The following GRIP1 variants were observed in gnomAD, a reference collection of about 807,000 sequenced individuals.
GRIP1 encodes glutamate receptor-interacting protein 1.
GRIP1 carries 45 observed loss-of-function variants against 129.9 expected under a neutral mutation model. The observed-to-expected ratio is 0.35, with a 90% CI of 0.27 to 0.44. The LOEUF is 0.44. GRIP1 is among the 20% of genes least tolerant of loss of function. The pLI is 1.00. For missense variants in GRIP1, 1,196 were observed against 1,396.8 expected (o/e 0.86, Z 2.29); for synonymous variants, 530 against 520.8 (o/e 1.02, Z -0.24).
chr12:66,659,942 A>ACACAAAATAAACAAAGGGTTGT (rs1422737083), intron 1 of GRIP1, among the ~76,000 whole-genome samples: 1 of 152,232 alleles, frequency 6.6e-6, no homozygotes, highest in Non-Finnish European at 1.5e-5. Context: ...CAGGTTCAAC[A>ACACAAAATAAACAAAGGGTTGT]CACAAAATAA....
chr12:66,902,098 A>T (rs990862978), intron 1 of GRIP1, among the ~76,000 whole-genome samples: 2 of 152,126 alleles, frequency 1.3e-5, no homozygotes, highest in Admixed American at 1.3e-4. Flanking sequence ...TCACATGCAA[A>T]ACTGGGGAAC....
intron 4 of GRIP1, among the ~76,000 whole-genome samples, chr12:66,538,218 T>TTA (rs531046044): frequency 0.017 from 2,504 of 144,534 alleles, 71 homozygotes; most frequent in African/African-American, 0.061. Context: ...TTTTTTTTTT[T>TTA]AAACAGGGTT....
chr12:66,464,669 T>C (rs1197907300), intron 8 of GRIP1, among the ~76,000 whole-genome samples: 2 of 152,234 alleles, frequency 1.3e-5, no homozygotes, highest in East Asian at 3.9e-4. Flanking sequence ...GCTTAGTTGC[T>C]TGATTTTTTT....
chr12:66,505,213 A>C (rs1487260067), intron 7 of GRIP1, among the ~76,000 whole-genome samples: 1 of 152,218 alleles, frequency 6.6e-6, no homozygotes, highest in East Asian at 1.9e-4. Flanking sequence ...TATGAGAAGA[A>C]GGCAGAGGAG....
At chr12:66,866,052 A>G (rs1347991563) in intron 1 of GRIP1, among the ~76,000 whole-genome samples, 2 of 152,166 alleles carry the variant, frequency 1.3e-5, no homozygotes, top group Non-Finnish European at 2.9e-5. Flanking sequence ...CACCCAACCC[A>G]TGGCTGCGAC....
intron 2 of GRIP1, among the ~76,000 whole-genome samples, chr12:66,569,873 A>G (rs1239553294): frequency 1.3e-5 from 2 of 152,134 alleles, no homozygotes; most frequent in Admixed American, 1.3e-4. Flanking sequence ...ACAACAGTAC[A>G]TATTCCCTCC....
At chr12:66,453,682 T>A (rs919425301) in intron 11 of GRIP1, among the ~76,000 whole-genome samples, 9 of 152,346 alleles carry the variant, frequency 5.9e-5, no homozygotes, top group South Asian at 2.1e-4. Context: ...AATTACCCAA[T>A]GAAGTAATTC....
intron 1 of GRIP1, among the ~76,000 whole-genome samples, chr12:66,750,235 A>G (rs1443943181): frequency 6.6e-6 from 1 of 152,170 alleles, no homozygotes; most frequent in Non-Finnish European, 1.5e-5. Flanking sequence ...ATGAGTTTAA[A>G]AAACAGGCTT....
At chr12:66,952,651 A>G (rs980260339) in intron 1 of GRIP1, among the ~76,000 whole-genome samples, 2 of 152,176 alleles carry the variant, frequency 1.3e-5, no homozygotes, top group Non-Finnish European at 2.9e-5. Flanking sequence ...GGCAGAAAAC[A>G]CTTACTTTTT....
At chr12:66,498,871 A>G (rs989877661) in intron 7 of GRIP1, among the ~76,000 whole-genome samples, 2 of 152,220 alleles carry the variant, frequency 1.3e-5, no homozygotes, top group Non-Finnish European at 2.9e-5. Context: ...TAGTCTTTGT[A>G]CTACAAGGAG....
At chr12:66,947,743 T>C (rs1236595884) in intron 1 of GRIP1, among the ~76,000 whole-genome samples, 2 of 152,248 alleles carry the variant, frequency 1.3e-5, no homozygotes, top group African/African-American at 4.8e-5. Context: ...ATCTTTTCAA[T>C]AGTAAAACTT....
intron 1 of GRIP1, among the ~76,000 whole-genome samples, chr12:66,892,928 T>C (rs1247491199): frequency 6.6e-6 from 1 of 152,120 alleles, no homozygotes; most frequent in African/African-American, 2.4e-5. Flanking sequence ...ATAGCACCAA[T>C]GCAGTCCAGC....
At chr12:66,631,477 A>T (rs1308481653) in intron 1 of GRIP1, among the ~76,000 whole-genome samples, 1 of 152,238 alleles carries the variant, frequency 6.6e-6, no homozygotes, top group African/African-American at 2.4e-5. Context: ...ACCTACTAAC[A>T]AAACAATACT....
chr12:66,750,778 A>G (rs1287030544), intron 1 of GRIP1, among the ~76,000 whole-genome samples: 2 of 152,222 alleles, frequency 1.3e-5, no homozygotes, highest in African/African-American at 4.8e-5. Flanking sequence ...TAAATGATAC[A>G]TTCTAACAGC....
At chr12:66,967,812 A>G (rs2042018706) in intron 1 of GRIP1, among the ~76,000 whole-genome samples, 1 of 152,188 alleles carries the variant, frequency 6.6e-6, no homozygotes, top group Admixed American at 6.6e-5. Context: ...CATACTTTGT[A>G]TAATTTCTAT....
At chr12:66,429,311 C>T (rs1273252056) in intron 14 of GRIP1, among the ~76,000 whole-genome samples, 2 of 152,140 alleles carry the variant, frequency 1.3e-5, no homozygotes, top group Admixed American at 6.6e-5. Flanking sequence ...TGCAGCACCT[C>T]GGTTTCACTA....
intron 7 of GRIP1, among the ~76,000 whole-genome samples, 155 bp from the exon 8 acceptor site, chr12:66,465,577 T>C (rs973959311): frequency 1.5e-4 from 23 of 152,350 alleles, no homozygotes; most frequent in Non-Finnish European, 2.6e-4. Context: ...CAGCCAATAA[T>C]AAATTCATAG....
chr12:67,016,828 C>T (rs2042795538), intron 1 of GRIP1, among the ~76,000 whole-genome samples: 1 of 152,112 alleles, frequency 6.6e-6, no homozygotes, highest in Non-Finnish European at 1.5e-5. Flanking sequence ...ATCCCTATAA[C>T]ATATGTAACA....
intron 1 of GRIP1, among the ~76,000 whole-genome samples, chr12:66,684,658 A>T (rs757241718): frequency 6.6e-6 from 1 of 152,140 alleles, no homozygotes; most frequent in South Asian, 2.1e-4. Context: ...CAGTCTGGCC[A>T]ACATGGTGAA....
Sources: allele counts gnomAD v4.1 joint callset (sites outside exome capture counted in the v4.1 genomes callset), GRCh38; gene constraint gnomAD v4.1.1; transcripts MANE v1.5; gene names NCBI Gene and HGNC (gene_info 2026-07-23, HGNC 2026-07-21).